The following NXPH1 variants were observed in gnomAD, a reference collection of about 807,000 sequenced individuals.
NXPH1 encodes the protein neurexophilin 1, also known as neurexophilin-1.
Under a neutral mutation model 23.7 loss-of-function variants are expected in NXPH1, and 5 were observed. The ratio of observed to expected loss-of-function variants is 0.21; its 90% CI spans 0.11 to 0.44. The LOEUF is 0.44. Ranked by LOEUF, NXPH1 falls within the 20% of genes least tolerant of loss-of-function variation. The pLI, the probability that NXPH1 is intolerant of heterozygous loss-of-function variation, is 0.99. For synonymous variants in NXPH1, 144 were observed against 122.2 expected, an observed-to-expected ratio of 1.18 and a Z score of -1.18; for missense variants, 324 against 321.6, an observed-to-expected ratio of 1.01 and a Z score of -0.06.
At chr7:8,593,344 T>G (rs10226307) in intron 2 of NXPH1, among the ~76,000 whole-genome samples, 1 of 151,594 alleles carries the variant, frequency 6.6e-6, no homozygotes, top group Non-Finnish European at 1.5e-5. Context: ...CTAATTTAGC[T>G]TTTTAAAGCA....
intron 2 of NXPH1, among the ~76,000 whole-genome samples, chr7:8,555,916 T>C (rs1384948283): frequency 1.3e-5 from 2 of 151,748 alleles, no homozygotes; most frequent in Non-Finnish European, 3.0e-5. Context: ...CACTGGGCTT[T>C]CTATCTGTAC....
At chr7:8,446,598 T>C (rs1030090102) in intron 2 of NXPH1, among the ~76,000 whole-genome samples, 15 of 152,240 alleles carry the variant, frequency 9.9e-5, no homozygotes, top group Admixed American at 7.2e-4. Flanking sequence ...AGTTAAATCA[T>C]TAAAACCAAA....
intron 2 of NXPH1, among the ~76,000 whole-genome samples, chr7:8,726,670 A>C (rs1333570013): frequency 5.4e-5 from 8 of 149,434 alleles, no homozygotes; most frequent in African/African-American, 2.0e-4. Flanking sequence ...TGAACTCATC[A>C]TTTTTTATGG....
chr7:8,730,037 A>G (rs910617683), intron 2 of NXPH1, among the ~76,000 whole-genome samples: 10 of 152,194 alleles, frequency 6.6e-5, no homozygotes, highest in African/African-American at 2.4e-4. Flanking sequence ...TATTGGGTGC[A>G]TATATATTTA....
intron 2 of NXPH1, among the ~76,000 whole-genome samples, chr7:8,636,077 A>G (rs1820214160): frequency 1.3e-5 from 2 of 152,000 alleles, no homozygotes; most frequent in Non-Finnish European, 2.9e-5. Context: ...GCCTGCATAG[A>G]CTTTCTTTTT....
intron 2 of NXPH1, among the ~76,000 whole-genome samples, chr7:8,499,410 A>T (rs759678654): frequency 2.0e-5 from 3 of 152,000 alleles, no homozygotes; most frequent in Non-Finnish European, 4.4e-5. Flanking sequence ...CTCTGTAATA[A>T]GGGCCCTGAT....
At chr7:8,710,647 GTTTTTTTTTTTTTT>G (rs1424880912) in intron 2 of NXPH1, among the ~76,000 whole-genome samples, 1 of 51,718 alleles carries the variant, frequency 1.9e-5, no homozygotes, top group Non-Finnish European at 3.6e-5. Flanking sequence ...TACGTTTTTT[GTTTTTTTTTTTTTT>G]TTTTTTTTTT....
chr7:8,690,418 T>G (rs1738199824), intron 2 of NXPH1: 1 of 152,216 alleles, frequency 6.6e-6, no homozygotes, highest in Non-Finnish European at 1.5e-5. Flanking sequence ...ACATGTAGGT[T>G]GCTTTGTTTT....
At chr7:8,744,313 A>T (rs1474376238) in intron 2 of NXPH1, among the ~76,000 whole-genome samples, 1 of 152,314 alleles carries the variant, frequency 6.6e-6, no homozygotes, top group Non-Finnish European at 1.5e-5. Context: ...GCCACTTTTG[A>T]CATGGAAAAT....
At chr7:8,744,625 C>G (rs1042201978) in intron 2 of NXPH1, among the ~76,000 whole-genome samples, 1 of 152,212 alleles carries the variant, frequency 6.6e-6, no homozygotes, top group African/African-American at 2.4e-5. Flanking sequence ...CCTTCAGATC[C>G]TTGTTCCCAG....
chr7:8,605,281 C>T (rs1416761082), intron 2 of NXPH1, among the ~76,000 whole-genome samples: 3 of 152,118 alleles, frequency 2.0e-5, no homozygotes, highest in Non-Finnish European at 4.4e-5. Context: ...CAACAGATGG[C>T]AAAGTCCTAA....
intron 2 of NXPH1, among the ~76,000 whole-genome samples, chr7:8,503,894 C>G (rs1037761576): frequency 4.6e-5 from 7 of 152,026 alleles, no homozygotes; most frequent in African/African-American, 1.4e-4. Flanking sequence ...TCCTTAGGCA[C>G]TGCTCTATTA....
rs932966409 is a variant in NXPH1, at chr7:8,752,864, A to C, written c.*1095A>C. 6.6e-6 allele frequency: 1 copy of C among 152,602 alleles called. No homozygotes were observed. The highest frequency in any genetic ancestry group is 1.5e-5 in the Non-Finnish European group (1 of 68,030). 9.5% of individuals were successfully genotyped at this position (152,602 alleles called of 1,614,324 possible). A position where few individuals can be genotyped will look rare whatever the true frequency, so the allele number is the denominator to read the frequency against. On this transcript the variant is annotated 3_prime_UTR_variant, in exon 3 of 3. Transcript: ENST00000405863. ...TTCAGATCAAGTATTGTTGAAAGCT[A>C]TACATATACAACATTACAGTCTGTC...
intron 2 of NXPH1, among the ~76,000 whole-genome samples, chr7:8,728,601 T>A (rs1293373907): frequency 2.0e-5 from 3 of 152,090 alleles, no homozygotes; most frequent in Non-Finnish European, 4.4e-5. Context: ...GATAATCATG[T>A]GGTTTTTGTC....
intron 2 of NXPH1, among the ~76,000 whole-genome samples, chr7:8,451,767 T>A (rs1816510245): frequency 6.6e-6 from 1 of 152,242 alleles, no homozygotes; most frequent in Non-Finnish European, 1.5e-5. Context: ...AATTATATCA[T>A]CGTCTTACAT....
intron 2 of NXPH1, among the ~76,000 whole-genome samples, chr7:8,685,188 G>C (rs1328144835): frequency 2.0e-5 from 3 of 151,220 alleles, no homozygotes; most frequent in Non-Finnish European, 4.4e-5. Context: ...TGATAACTGA[G>C]AGTTATCCTT....
At chr7:8,745,827 A>G (rs570535219) in intron 2 of NXPH1, among the ~76,000 whole-genome samples, 54 of 148,376 alleles carry the variant, frequency 3.6e-4, no homozygotes, top group African/African-American at 1.2e-3. Flanking sequence ...TTGGCCTCCC[A>G]AAGTGCTAGG....
At chr7:8,591,846 CTTTTT>C (rs111935394) in intron 2 of NXPH1, among the ~76,000 whole-genome samples, 2 of 140,876 alleles carry the variant, frequency 1.4e-5, no homozygotes, top group Non-Finnish European at 3.1e-5. Flanking sequence ...GCTGAGGTTT[CTTTTT>C]TTTTTTTTTT....
At chr7:8,530,517 T>G (rs1817934044) in intron 2 of NXPH1, among the ~76,000 whole-genome samples, 1 of 152,122 alleles carries the variant, frequency 6.6e-6, no homozygotes, top group Non-Finnish European at 1.5e-5. Flanking sequence ...GATCTTGGAG[T>G]ATAAAAATCA....
Sources: gnomAD v4.1 joint callset for allele counts (sites outside exome capture counted in the v4.1 genomes callset) on GRCh38, gnomAD v4.1.1 for gene constraint, MANE v1.5 for transcripts, NCBI Gene and HGNC (gene_info 2026-07-23, HGNC 2026-07-21) for gene names.